The following NR2F1-AS1 variants were observed in gnomAD, a reference collection of about 807,000 sequenced individuals.
NR2F1-AS1 encodes NR2F1 antisense RNA 1.
intron 4 of NR2F1-AS1, among the ~76,000 whole-genome samples, chr5:93,544,640 T>C (rs2149907975): frequency 6.6e-6 from 1 of 152,224 alleles, no homozygotes; most frequent in Admixed American, 6.5e-5. Context: ...AATGAGTTAT[T>C]CGGCCGGGTG....
intron 4 of NR2F1-AS1, among the ~76,000 whole-genome samples, chr5:93,445,167 A>T (rs1489236036): frequency 6.6e-6 from 1 of 152,200 alleles, no homozygotes; most frequent in Non-Finnish European, 1.5e-5. Context: ...AAACACATTC[A>T]AAAGCTAGCA....
chr5:93,552,210 G>A (rs970558338), intron 4 of NR2F1-AS1, among the ~76,000 whole-genome samples: 5 of 152,136 alleles, frequency 3.3e-5, no homozygotes, highest in African/African-American at 1.2e-4. Context: ...ACAGGCTCTA[G>A]AAGAGATCTA....
chr5:93,584,881 C>G (rs1317876275), upstream of NR2F1-AS1: 1 of 165,910 alleles, frequency 6.0e-6, no homozygotes, highest in East Asian at 2.0e-4. Context: ...GGCTCGGCTC[C>G]TGCGACCCCG....
chr5:93,413,696 A>C (rs775859337), intron 4 of NR2F1-AS1, among the ~76,000 whole-genome samples: 1 of 152,210 alleles, frequency 6.6e-6, no homozygotes, highest in Admixed American at 6.5e-5. Context: ...GTGGGCAAGG[A>C]TCTGAATGCA....
intron 1 of NR2F1-AS1, among the ~76,000 whole-genome samples, chr5:93,577,330 T>A (rs1285120074): frequency 6.6e-6 from 1 of 152,268 alleles, no homozygotes; most frequent in Non-Finnish European, 1.5e-5. Context: ...AAGAAATGCC[T>A]GGGCTACCAG....
At chr5:93,491,022 G>A (rs1377836093) in intron 4 of NR2F1-AS1, among the ~76,000 whole-genome samples, 2 of 150,560 alleles carry the variant, frequency 1.3e-5, no homozygotes, top group Non-Finnish European at 3.0e-5. Context: ...GAGTGGTGGT[G>A]GTGGTAGTGA....
At chr5:93,558,939 A>G (rs900434143) in intron 2 of NR2F1-AS1, among the ~76,000 whole-genome samples, 1 of 152,230 alleles carries the variant, frequency 6.6e-6, no homozygotes, top group Admixed American at 6.5e-5. Context: ...TAATTCTTAA[A>G]GGCCCTAGGA....
chr5:93,429,977 A>G (rs937934849), intron 4 of NR2F1-AS1, among the ~76,000 whole-genome samples: 2 of 152,194 alleles, frequency 1.3e-5, no homozygotes, highest in African/African-American at 4.8e-5. Flanking sequence ...AAATTTTTCT[A>G]TTCATGTTAT....
intron 4 of NR2F1-AS1, among the ~76,000 whole-genome samples, chr5:93,520,955 T>C (rs1459190283): frequency 3.3e-5 from 5 of 152,102 alleles, no homozygotes; most frequent in African/African-American, 1.2e-4. Flanking sequence ...TTACATGTTG[T>C]ATTCCCTAAA....
At chr5:93,531,164 TC>T (rs1751728532) in intron 4 of NR2F1-AS1, among the ~76,000 whole-genome samples, 1 of 152,204 alleles carries the variant, frequency 6.6e-6, no homozygotes, top group East Asian at 1.9e-4. Context: ...ATTCATGATA[TC>T]AAGAAATTCA....
chr5:93,434,915 C>A (rs575094440), intron 4 of NR2F1-AS1, among the ~76,000 whole-genome samples: 1 of 152,146 alleles, frequency 6.6e-6, no homozygotes, highest in Non-Finnish European at 1.5e-5. Context: ...TCAGGAAGTA[C>A]ATGATATTGG....
upstream of NR2F1-AS1, chr5:93,580,804 G>A (rs563764936): frequency 1.3e-5 from 2 of 152,344 alleles, no homozygotes; most frequent in South Asian, 2.1e-4. Flanking sequence ...CAGAAGACGG[G>A]AGCGCGTTTG....
At chr5:93,422,431 T>G (rs1448592599) in intron 4 of NR2F1-AS1, 1 of 152,064 alleles carries the variant, frequency 6.6e-6, no homozygotes, top group East Asian at 1.9e-4. Flanking sequence ...TCTGAAAGAG[T>G]GGCTGAGCTG....
chr5:93,496,284 T>TC (rs1489943165), intron 4 of NR2F1-AS1, among the ~76,000 whole-genome samples: 1 of 152,184 alleles, frequency 6.6e-6, no homozygotes, highest in Non-Finnish European at 1.5e-5. Context: ...AGCAGGCTTG[T>TC]CTGTGAGGGA....
chr5:93,528,256 A>T (rs1210694354), intron 4 of NR2F1-AS1, among the ~76,000 whole-genome samples: 2 of 152,226 alleles, frequency 1.3e-5, no homozygotes, highest in Non-Finnish European at 2.9e-5. Flanking sequence ...AAAAAAGCTC[A>T]TCATCACTGG....
intron 4 of NR2F1-AS1, among the ~76,000 whole-genome samples, chr5:93,454,728 T>A: frequency 6.6e-6 from 1 of 152,194 alleles, no homozygotes; most frequent in East Asian, 1.9e-4. Flanking sequence ...AAAGTTGAGT[T>A]GATCACCAAT....
At chr5:93,477,894 TTATAAA>T (rs757210944) in intron 4 of NR2F1-AS1, among the ~76,000 whole-genome samples, 5 of 152,208 alleles carry the variant, frequency 3.3e-5, no homozygotes, top group African/African-American at 4.8e-5. Flanking sequence ...CTTCTCATAA[TTATAAA>T]TATAATCAGA....
upstream of NR2F1-AS1, among the ~76,000 whole-genome samples, chr5:93,583,005 G>A (rs1189142958): frequency 6.6e-6 from 1 of 152,152 alleles, no homozygotes; most frequent in African/African-American, 2.4e-5. Context: ...AACCAATGGC[G>A]TGCAGGAGGC....
intron 4 of NR2F1-AS1, among the ~76,000 whole-genome samples, chr5:93,470,936 A>C (rs1267970028): frequency 1.3e-5 from 2 of 151,920 alleles, no homozygotes; most frequent in Non-Finnish European, 3.0e-5. Flanking sequence ...TTAGCCCTGA[A>C]GAGAACTTAT....
Sources: allele counts gnomAD v4.1 joint callset (sites outside exome capture counted in the v4.1 genomes callset), GRCh38; gene constraint gnomAD v4.1.1; transcripts MANE v1.5; gene names NCBI Gene and HGNC (gene_info 2026-07-23, HGNC 2026-07-21).